Variants in ZNF407 observed in about 807,000 individuals in gnomAD.
ZNF407 encodes the protein zinc finger protein 407.
In ZNF407, 17 loss-of-function variants were observed where a neutral mutation model predicts 131.2. The observed-to-expected ratio is 0.13, with a 90% confidence interval of 0.09 to 0.19. The LOEUF is 0.19. ZNF407 is among the 10% of genes least tolerant of loss of function. The probability of loss-of-function intolerance (pLI) is 1.00; values close to 1 mark genes in which losing one functional copy is unlikely to be tolerated. For missense variants in ZNF407, 2,681 were observed against 2,830.6 expected (o/e 0.95, Z 1.20); for synonymous variants, 1,156 against 1,062.0 (o/e 1.09, Z -1.72).
rs116887546 is a variant in ZNF407, at chr18:74,837,449, G to C, written c.4878-39748G>C. ...AGATGTGAAATAATAATGCCTGTTA[G>C]TACTGGTAATATACTGATATCTTGT... On this transcript the variant is annotated intron_variant, in intron 4 of 8. Transcript: ENST00000299687. 6.2e-3 allele frequency among the ~76,000 whole-genome samples: 936 copies of C among 149,880 alleles called. 3 individuals are homozygous for C. Among genetic ancestry groups the C allele is most frequent in the Non-Finnish European group, 9.5e-3 (645 of 67,764 alleles).
At chr18:74,880,051 G>A (rs1423853837) in intron 5 of ZNF407, among the ~76,000 whole-genome samples, 1 of 152,170 alleles carries the variant, frequency 6.6e-6, no homozygotes, top group Non-Finnish European at 1.5e-5. Flanking sequence ...GAGTAAAGTA[G>A]TTAAAGATAG....
intron 4 of ZNF407, among the ~76,000 whole-genome samples, chr18:74,874,917 C>A (rs1449771754): frequency 2.0e-5 from 3 of 152,114 alleles, no homozygotes; most frequent in African/African-American, 7.2e-5. Flanking sequence ...CCAGAACACA[C>A]ACTGATGTCC....
At chr18:74,935,614 T>C (rs961828515) in intron 8 of ZNF407, among the ~76,000 whole-genome samples, 2 of 152,184 alleles carry the variant, frequency 1.3e-5, no homozygotes, top group African/African-American at 4.8e-5. Flanking sequence ...CCGCAGCTCA[T>C]GTAACTTGTA....
chr18:75,016,386 C>T (rs890138760), intron 8 of ZNF407, among the ~76,000 whole-genome samples: 2 of 152,090 alleles, frequency 1.3e-5, no homozygotes, highest in African/African-American at 4.8e-5. Context: ...GTAGTTTCAA[C>T]TTATTTCACC....
intron 8 of ZNF407, among the ~76,000 whole-genome samples, chr18:74,975,931 T>C (rs533231612): frequency 6.6e-6 from 1 of 152,314 alleles, no homozygotes; most frequent in East Asian, 1.9e-4. Flanking sequence ...GACAGAGAGG[T>C]TTCTCCTCAT....
At chr18:75,041,447 A>T (rs759873051) in intron 8 of ZNF407, among the ~76,000 whole-genome samples, 13 of 151,522 alleles carry the variant, frequency 8.6e-5, no homozygotes, top group Non-Finnish European at 1.6e-4. Flanking sequence ...TCACACACAC[A>T]CTCTCTCTCT....
chr18:74,741,652 G>GTA (rs1416101387), intron 3 of ZNF407, among the ~76,000 whole-genome samples: 2 of 151,942 alleles, frequency 1.3e-5, no homozygotes, highest in South Asian at 2.1e-4. Flanking sequence ...TTCTCTTTCA[G>GTA]TATATATATA....
intron 3 of ZNF407, among the ~76,000 whole-genome samples, chr18:74,676,524 C>T (rs761391523): frequency 3.0e-4 from 45 of 151,774 alleles, no homozygotes; most frequent in Non-Finnish European, 4.7e-4. Context: ...GCAAGCTCCG[C>T]CTCCCGGGTT....
At chr18:74,651,751 G>A (rs1985235746) in intron 3 of ZNF407, among the ~76,000 whole-genome samples, 1 of 152,150 alleles carries the variant, frequency 6.6e-6, no homozygotes, top group South Asian at 2.1e-4. Flanking sequence ...GAGATATAAA[G>A]CCGAGGTGAT....
At chr18:74,795,951 C>T (rs1054684470) in intron 4 of ZNF407, among the ~76,000 whole-genome samples, 33 of 152,362 alleles carry the variant, frequency 2.2e-4, no homozygotes, top group African/African-American at 7.0e-4. Flanking sequence ...GCTGTGCACA[C>T]GCGCACACAC....
intron 2 of ZNF407, among the ~76,000 whole-genome samples, chr18:74,640,247 A>G (rs1984648599): frequency 6.6e-6 from 1 of 152,080 alleles, no homozygotes; most frequent in Admixed American, 6.6e-5. Flanking sequence ...GTAGACTTTG[A>G]AATAATCTTA....
chr18:74,710,167 A>T (rs895511194), intron 3 of ZNF407, among the ~76,000 whole-genome samples: 4 of 152,180 alleles, frequency 2.6e-5, no homozygotes, highest in African/African-American at 9.7e-5. Flanking sequence ...ACAATATTTA[A>T]GTTTTCATGA....
intron 8 of ZNF407, among the ~76,000 whole-genome samples, chr18:75,023,297 A>G (rs1038411252): frequency 5.3e-5 from 8 of 152,142 alleles, no homozygotes; most frequent in Non-Finnish European, 1.2e-4. Context: ...AAAATAAAAT[A>G]AAATTACCAC....
chr18:74,939,695 A>T (rs1266275456), intron 8 of ZNF407, among the ~76,000 whole-genome samples: 1 of 152,256 alleles, frequency 6.6e-6, no homozygotes. Context: ...CAACATATTA[A>T]GTGCAAGCTT....
At chr18:75,060,466 C>T (rs1973614082) in intron 8 of ZNF407, among the ~76,000 whole-genome samples, 1 of 151,926 alleles carries the variant, frequency 6.6e-6, no homozygotes, top group African/African-American at 2.4e-5. Flanking sequence ...TGGAGCTAGT[C>T]CTGGCTGGCC....
intron 3 of ZNF407, among the ~76,000 whole-genome samples, chr18:74,700,407 C>T (rs1967463631): frequency 1.3e-5 from 2 of 152,190 alleles, no homozygotes; most frequent in African/African-American, 4.8e-5. Context: ...TAGAAAGCTG[C>T]TGAACATGTG....
chr18:74,638,487 G>A (rs1015775951), intron 2 of ZNF407, among the ~76,000 whole-genome samples: 1 of 152,166 alleles, frequency 6.6e-6, no homozygotes, highest in African/African-American at 2.4e-5. Flanking sequence ...AGATCTAAGG[G>A]CTTTCATTTG....
At chr18:74,805,319 AAAT>A (rs755483607) in intron 4 of ZNF407, among the ~76,000 whole-genome samples, 1 of 152,242 alleles carries the variant, frequency 6.6e-6, no homozygotes, top group Non-Finnish European at 1.5e-5. Flanking sequence ...AAGCCTAAGT[AAAT>A]AATTGAATTT....
At chr18:74,973,429 T>C (rs1972495060) in intron 8 of ZNF407, among the ~76,000 whole-genome samples, 1 of 152,184 alleles carries the variant, frequency 6.6e-6, no homozygotes, top group South Asian at 2.1e-4. Flanking sequence ...TTTTCTAGTG[T>C]TTATTTGATT....
Sources: gnomAD v4.1 joint callset for allele counts (sites outside exome capture counted in the v4.1 genomes callset) on GRCh38, gnomAD v4.1.1 for gene constraint, MANE v1.5 for transcripts, NCBI Gene and HGNC (gene_info 2026-07-23, HGNC 2026-07-21) for gene names.